KIF14: variants seen among roughly 807,000 people sequenced by gnomAD.
KIF14 encodes the protein kinesin-like protein KIF14.
A neutral mutation model predicts 176.2 loss-of-function variants in KIF14; 98 were observed. That is an observed-to-expected ratio of 0.56 (90% CI 0.47 to 0.66). The LOEUF (loss-of-function observed/expected upper bound fraction) is 0.66. Ranked by LOEUF, KIF14 falls within the 30% of genes least tolerant of loss-of-function variation. The pLI is 0.00. For missense variants in KIF14, 1,751 were observed against 1,920.4 expected, an observed-to-expected ratio of 0.91 and a Z score of 1.65; for synonymous variants, 566 against 632.2, an observed-to-expected ratio of 0.90 and a Z score of 1.57.
intron 19 of KIF14, among the ~76,000 whole-genome samples, chr1:200,583,972 G>A (rs1057368021): frequency 7.9e-5 from 12 of 151,238 alleles, no homozygotes; most frequent in African/African-American, 1.9e-4. Flanking sequence ...GCCGGGCCCC[G>A]GTGGCTCACA....
rs544729818 is a variant in KIF14 at position 200,563,537 on chromosome 1, A to AT, written c.4071+1531dup. On this transcript the variant is annotated intron_variant, in intron 25 of 29. Coordinates refer to ENST00000367350, the MANE Select transcript of KIF14 (RefSeq NM_014875.3). ...ATGCCACCAAAAAATCAGCTGGCTG[A>AT]TTTTTTTTATGTTTTTAGAGACAAA... is the stretch of plus-strand genomic sequence containing the variant. 3.3e-5 allele frequency among the ~76,000 whole-genome samples: 5 copies of AT among 151,648 alleles called. No individual in the cohort carries two copies. In the East Asian group the frequency reaches 5.8e-4, roughly 18 times the overall value.
chr1:200,614,322 T>C lies in KIF14; in HGVS notation c.1451A>G (p.Gln484Arg). 6.4e-7 allele frequency: 1 copy of C among 1,574,542 alleles called. No individual in the cohort carries two copies. Among genetic ancestry groups the C allele is most frequent in the South Asian group, 1.1e-5 (1 of 89,802 alleles). Residue 484 changes from glutamine to arginine, a missense_variant, in exon 4 of 30, where the codon CAA (glutamine) becomes CGA (arginine). Gln to Arg is a conservative substitution (Grantham distance 43, BLOSUM62 1). Coordinates refer to ENST00000367350, the MANE Select transcript of KIF14 (RefSeq NM_014875.3). ...GCAGGTATTATAAGAACATACCTCT[T>C]GGGTTTGTTTTCTGGCTACTTGAGA... ...LFSQVARKQT[Q>R]EVSYHIEMSF...
In KIF14 at chr1:200,598,468, T is replaced by G. The variant is rs2809358; in HGVS notation, c.2365-47A>C. 0.34 allele frequency: 494,098 copies of G among 1,466,884 alleles called. 85,331 individuals are homozygous for G. The highest frequency in any genetic ancestry group is 0.35 in the African/African-American group (24,942 of 70,752). 90.9% of individuals were successfully genotyped at this position (1,466,884 alleles called of 1,614,324 possible). ...AATTAATCTTAATCACAGTATGAAA[T>G]TGTTAAATTCACCTAAAACAAATGG... On this transcript the variant is annotated intron_variant, in intron 13 of 29. Coordinates refer to ENST00000367350, the MANE Select transcript of KIF14 (RefSeq NM_014875.3).
chr1:200,603,344 G>A lies in KIF14; in HGVS notation c.1864-3C>T. On this transcript the variant is annotated splice_region_variant and splice_polypyrimidine_tract_variant and intron_variant, in intron 9 of 29. Coordinates refer to ENST00000367350, the MANE Select transcript of KIF14 (RefSeq NM_014875.3). Reference sequence around the variant, plus strand: ...GACTTATTAATACTCACACCTTCCTGCATGCAAGAAAAAAAAAATTTTTAA... The same window carrying A: ...GACTTATTAATACTCACACCTTCCTACATGCAAGAAAAAAAAAATTTTTAA... 6.6e-7 allele frequency: 1 copy of A among 1,505,610 alleles called. No homozygotes were observed. The highest frequency in any genetic ancestry group is 9.1e-7 in the Non-Finnish European group (1 of 1,104,242). 93.3% of individuals were successfully genotyped at this position (1,505,610 alleles called of 1,614,324 possible). A position where few individuals can be genotyped will look rare whatever the true frequency, so the allele number is the denominator to read the frequency against.
chr1:200,612,104 G>T (rs1409187138), intron 4 of KIF14, among the ~76,000 whole-genome samples: 1 of 151,850 alleles, frequency 6.6e-6, no homozygotes, highest in East Asian at 1.9e-4. Flanking sequence ...CAGGGTTCAA[G>T]CGATTCTCCT....
Position 200,552,572 on chromosome 1 carries a change from C to A in KIF14, c.*816G>T, listed in dbSNP as rs200286124. ...ATAACAGGGTAAACTACTGTGCCAG[C>A]AAGCCATATTATTAATATATAATTA... On this transcript the variant is annotated 3_prime_UTR_variant, in exon 30 of 30. Coordinates refer to ENST00000367350, the MANE Select transcript of KIF14 (RefSeq NM_014875.3). The A allele has an allele frequency of 6.6e-6, 1 of 151,998 alleles. No homozygotes were observed. Among genetic ancestry groups the A allele is most frequent in the East Asian group, 1.9e-4 (1 of 5,200 alleles). The allele number at this position is 151,998 out of a possible 1,614,324, so 9.4% of individuals were successfully genotyped here.
intron 14 of KIF14, among the ~76,000 whole-genome samples, chr1:200,594,331 T>C (rs1571530881): frequency 1.8e-5 from 2 of 114,100 alleles, no homozygotes; most frequent in Non-Finnish European, 3.3e-5. Flanking sequence ...ATTTTTATTA[T>C]AACTTCTTTG....
chr1:200,620,016 T>C (rs1660606225), intron 1 of KIF14, among the ~76,000 whole-genome samples: 1 of 152,186 alleles, frequency 6.6e-6, no homozygotes, highest in African/African-American at 2.4e-5. Flanking sequence ...ATGACACTGG[T>C]TCAAACTATT....
intron 19 of KIF14, among the ~76,000 whole-genome samples, chr1:200,581,762 T>C (rs4424542): frequency 0.014 from 847 of 59,216 alleles, 4 homozygotes; most frequent in African/African-American, 0.034. Context: ...TTCACTTTCC[T>C]TTTTTTTTTT....
In KIF14 at chr1:200,586,162, T is replaced by G. The variant is rs1221556077; in HGVS notation, c.3180A>C (p.Lys1060Asn). 1 of 1,603,046 alleles carries G rather than the reference T, an allele frequency of 6.2e-7. No individual in the cohort carries two copies. Among genetic ancestry groups the G allele is most frequent in the South Asian group, 1.1e-5 (1 of 89,718 alleles). ...ILEALETEKQ[K>N]IAKEVQILQQ... The stretch of plus-strand genomic sequence containing the variant: ...GTAGAATTTGTACTTCTTTAGCAAT[T>G]TTTTGCTTTTCAGTTTCTAAAGCTT... The change falls in exon 19 of 30, where the codon AAA becomes AAC. Residue 1060 changes from lysine (K) to asparagine (N), a missense_variant. Transcript: ENST00000367350.
intron 14 of KIF14, among the ~76,000 whole-genome samples, chr1:200,594,370 A>C (rs1659220871): frequency 2.8e-4 from 5 of 17,646 alleles, no homozygotes; most frequent in African/African-American, 4.5e-4. Flanking sequence ...CAAAAATTCA[A>C]AAAAAAAAAA....
intron 25 of KIF14, among the ~76,000 whole-genome samples, chr1:200,562,773 C>T (rs985761055): frequency 2.0e-5 from 3 of 151,966 alleles, no homozygotes; most frequent in African/African-American, 7.3e-5. Flanking sequence ...GTTTGCAGTC[C>T]ACCCACCCCG....
At chr1:200,588,004 A>T (rs994429706) in intron 18 of KIF14, among the ~76,000 whole-genome samples, 14 of 152,038 alleles carry the variant, frequency 9.2e-5, no homozygotes, top group Non-Finnish European at 1.6e-4. Context: ...TTCCACCCCC[A>T]ACTCCCACCC....
intron 25 of KIF14, among the ~76,000 whole-genome samples, chr1:200,561,184 C>T (rs577351981): frequency 5.4e-5 from 8 of 148,082 alleles, no homozygotes; most frequent in African/African-American, 1.2e-4. Flanking sequence ...GAGCTGAGAT[C>T]GTGCTACTGC....
intron 14 of KIF14, among the ~76,000 whole-genome samples, chr1:200,594,902 G>A (rs772547882): frequency 8.5e-5 from 13 of 152,290 alleles, no homozygotes; most frequent in Non-Finnish European, 1.3e-4. Context: ...CCAGGTGAAG[G>A]TTTATACAAT....
chr1:200,559,289 A>G (rs759145393), intron 27 of KIF14, 41 bp downstream of exon 27: 1 of 1,242,628 alleles, frequency 8.0e-7, no homozygotes, highest in Non-Finnish European at 1.1e-6. Context: ...AACTTTATAT[A>G]TTATTTAGTA....
In KIF14 at chr1:200,603,342, CTGCA is replaced by C. The variant is rs780615489; in HGVS notation, c.1864-5_1864-2del. The C allele has an allele frequency of 6.6e-5, 100 of 1,520,920 alleles. 1 individual carries two copies. In the South Asian group the frequency reaches 1.1e-3, roughly 17 times the overall value. 94.2% of individuals were successfully genotyped at this position (1,520,920 alleles called of 1,614,324 possible). A position where few individuals can be genotyped will look rare whatever the true frequency, so the allele number is the denominator to read the frequency against. ...AGGACTTATTAATACTCACACCTTC[CTGCA>C]TGCAAGAAAAAAAAAATTTTTAACT... is the stretch of plus-strand genomic sequence containing the variant. On this transcript the variant is annotated splice_acceptor_variant and splice_polypyrimidine_tract_variant and intron_variant, in intron 9 of 29. Transcript: ENST00000367350. LOFTEE classifies it high-confidence loss of function.
chr1:200,556,055 A>G (rs998696923), intron 27 of KIF14, among the ~76,000 whole-genome samples: 2 of 152,214 alleles, frequency 1.3e-5, no homozygotes, highest in Non-Finnish European at 2.9e-5. Flanking sequence ...ATTCTCCATT[A>G]TAGTCCTATG....
chr1:200,600,098 C>T lies in KIF14; in HGVS notation c.2316G>A (p.Lys772=), dbSNP rs1264772333. 1.9e-6 allele frequency: 3 copies of T among 1,600,452 alleles called. No homozygotes were observed. Among genetic ancestry groups the T allele is most frequent in the Admixed American group, 1.7e-5 (1 of 59,382 alleles). ...GTTTTCTTTTTTCAGCTTGTTCAAA[C>T]TTTTCTTTCCACACTCTTTCCAAAG... ...MAEMQRVWKE[K]FEQAEKRKLQ... is the part of the protein sequence containing the mutation. Residue 772 remains lysine, a synonymous_variant, in exon 13 of 30, where the codon AAG becomes AAA. Transcript: ENST00000367350.
Sources: allele counts gnomAD v4.1 joint callset (sites outside exome capture counted in the v4.1 genomes callset), GRCh38; gene constraint gnomAD v4.1.1; transcripts MANE v1.5; gene names NCBI Gene and HGNC (gene_info 2026-07-23, HGNC 2026-07-21).